VIT: variants seen among roughly 807,000 people sequenced by gnomAD.
VIT encodes the protein vitrin.
A neutral mutation model predicts 78.0 loss-of-function variants in VIT; 99 were observed. The ratio of observed to expected loss-of-function variants is 1.27; its 90% CI spans 1.08 to 1.50. The LOEUF (loss-of-function observed/expected upper bound fraction) is 1.50. Among genes scored for constraint, VIT ranks in the 40% most tolerant of loss-of-function variants. The pLI, the probability that VIT is intolerant of heterozygous loss-of-function variation, is 0.00. For missense variants in VIT, 1,126 were observed against 875.3 expected, an observed-to-expected ratio of 1.29 and a Z score of -3.61; for synonymous variants, 374 against 334.3, an observed-to-expected ratio of 1.12 and a Z score of -1.29.
Position 36,787,165 on chromosome 2 carries a change from G to A in VIT, c.947G>A (p.Ser316Asn), listed in dbSNP as rs756289698. Residue 316 changes from serine (S) to asparagine (N), a missense_variant, in exon 12 of 16, where the codon AGC (serine) becomes AAC (asparagine). Coordinates refer to ENST00000379242, the MANE Select transcript of VIT (RefSeq NM_053276.4). Reference sequence around the variant, plus strand: ...GACTTGTCGTTTTTAATTGATGGGAGCACCAGCATTGGCAAACGGCGATTC... The same window carrying A: ...GACTTGTCGTTTTTAATTGATGGGAACACCAGCATTGGCAAACGGCGATTC... ...KIDLSFLIDGSTSIGKRRFRI... is the reference protein window; with the variant it reads ...KIDLSFLIDGNTSIGKRRFRI... 6.2e-6 allele frequency: 10 copies of A among 1,614,084 alleles called. No individual in the cohort carries two copies. The highest frequency in any genetic ancestry group is 1.7e-5 in the Admixed American group (1 of 60,006).
intron 12 of VIT, among the ~76,000 whole-genome samples, chr2:36,800,352 A>T (rs889687144): frequency 2.6e-5 from 4 of 152,178 alleles, no homozygotes; most frequent in Non-Finnish European, 5.9e-5. Context: ...GTTAAAAAAG[A>T]AAGAAAGAAA....
intron 4 of VIT, among the ~76,000 whole-genome samples, chr2:36,746,754 T>C (rs1265461884): frequency 6.6e-6 from 1 of 152,110 alleles, no homozygotes; most frequent in Non-Finnish European, 1.5e-5. Context: ...AAACAAACTT[T>C]TGGTTTCATT....
At chr2:36,738,320 C>T (rs1667630932) in intron 3 of VIT, among the ~76,000 whole-genome samples, 1 of 152,138 alleles carries the variant, frequency 6.6e-6, no homozygotes, top group Non-Finnish European at 1.5e-5. Context: ...AGTTCTGCCA[C>T]TTGATATCTG....
chr2:36,773,607 T>G (rs1023616150), intron 7 of VIT, among the ~76,000 whole-genome samples, 184 bp from the exon 8 acceptor site: 6 of 152,184 alleles, frequency 3.9e-5, no homozygotes, highest in African/African-American at 1.4e-4. Context: ...GGTACGCACC[T>G]GTAATCCCAG....
Position 36,746,388 on chromosome 2 carries a change from C to T in VIT, c.275+3132C>T, listed in dbSNP as rs145274107. On this transcript the variant is annotated intron_variant, in intron 4 of 15. Transcript: ENST00000379242. The stretch of plus-strand genomic sequence containing the variant: ...ATAGTTTCAGTAGTATTGGTACCAG[C>T]TCTTGGTACTTCTGGTAGAATTTGG... Among the ~76,000 whole-genome samples, 367 of 152,120 alleles carry T rather than the reference C, an allele frequency of 2.4e-3. 6 individuals are homozygous for T. The highest frequency in any genetic ancestry group is 4.3e-3 in the East Asian group (22 of 5,170).
At chr2:36,761,431 C>A (rs1669111444) in intron 6 of VIT, among the ~76,000 whole-genome samples, 1 of 152,018 alleles carries the variant, frequency 6.6e-6, no homozygotes. Context: ...TCAGTGGCAT[C>A]TCTCCTGTTT....
At chr2:36,800,800 C>T (rs142209969) in intron 12 of VIT, among the ~76,000 whole-genome samples, 111 of 152,244 alleles carry the variant, frequency 7.3e-4, no homozygotes, top group African/African-American at 2.6e-3. Context: ...TAGTGTCACC[C>T]GGTTGCAGGA....
At chr2:36,724,588 C>T (rs1666722206) in intron 2 of VIT, among the ~76,000 whole-genome samples, 1 of 152,180 alleles carries the variant, frequency 6.6e-6, no homozygotes, top group South Asian at 2.1e-4. Context: ...TGCAGACCAG[C>T]TGTCCCCTGG....
At chr2:36,787,654 G>T in intron 12 of VIT, 1 of 331,134 alleles carries the variant, frequency 3.0e-6, no homozygotes. Flanking sequence ...ATGAAGGTTG[G>T]ATCTGCTTTC....
intron 3 of VIT, among the ~76,000 whole-genome samples, chr2:36,740,290 G>A (rs1667760251): frequency 6.6e-6 from 1 of 152,210 alleles, no homozygotes; most frequent in South Asian, 2.1e-4. Flanking sequence ...TGGAGCGGTG[G>A]AAGATTCTTT....
intron 9 of VIT, among the ~76,000 whole-genome samples, chr2:36,781,174 G>A (rs1248533418): frequency 6.6e-6 from 1 of 152,206 alleles, no homozygotes; most frequent in African/African-American, 2.4e-5. Flanking sequence ...TTTGTTCAGT[G>A]TAGTTCCAAG....
intron 1 of VIT, among the ~76,000 whole-genome samples, chr2:36,707,298 G>A (rs897778662): frequency 7.2e-5 from 11 of 151,988 alleles, no homozygotes; most frequent in South Asian, 2.1e-4. Flanking sequence ...TCCTCCCCTC[G>A]AGTTAGCATT....
At chr2:36,725,884 C>G (rs72783154) in intron 2 of VIT, among the ~76,000 whole-genome samples, 27,256 of 151,946 alleles carry the variant, frequency 0.18, 3,079 homozygotes, top group Non-Finnish European at 0.26. Context: ...CCAGCCTGGC[C>G]AACATGGTGA....
chr2:36,724,121 T>A (rs1294049171), intron 2 of VIT, among the ~76,000 whole-genome samples: 1 of 151,702 alleles, frequency 6.6e-6, no homozygotes, highest in Admixed American at 6.6e-5. Flanking sequence ...TGGTTTCAAG[T>A]GATTCTCCTA....
intron 1 of VIT, among the ~76,000 whole-genome samples, chr2:36,707,614 G>A (rs929153414): frequency 8.5e-5 from 13 of 152,144 alleles, no homozygotes; most frequent in Admixed American, 6.5e-5. Context: ...GGATGGACCC[G>A]CTTCCTCTCA....
rs1666136613 is a variant in VIT, at chr2:36,716,375, G to A, written c.5G>A (p.Arg2Lys). 1 of 1,613,692 alleles carries A rather than the reference G, an allele frequency of 6.2e-7. No individual in the cohort carries two copies. The highest frequency in any genetic ancestry group is 2.2e-5 in the East Asian group (1 of 44,870). The change falls in exon 2 of 16, where the codon AGG becomes AAG. Residue 2 changes from arginine to lysine, a missense_variant. Coordinates refer to ENST00000379242, the MANE Select transcript of VIT (RefSeq NM_053276.4). M[R>K]TVVLTMKASV... ...CAGGGTGTCATTCTGATATTTATGAGGACTGTTGTTCTCACTATGAAGGCA... is the reference window on the plus strand; with the variant it reads ...CAGGGTGTCATTCTGATATTTATGAAGACTGTTGTTCTCACTATGAAGGCA...
In VIT at chr2:36,814,553, C is replaced by T. The variant is rs373242813; in HGVS notation, c.*192C>T. ...TTGGAGTTACAAAGATGATCACAAA[C>T]GTATAGAATGAGCCAAAAGGCTACA... On this transcript the variant is annotated 3_prime_UTR_variant, in exon 16 of 16. Transcript: ENST00000379242. 4.1e-5 allele frequency: 28 copies of T among 678,866 alleles called. No individual in the cohort carries two copies. The highest frequency in any genetic ancestry group is 5.9e-5 in the Non-Finnish European group (25 of 426,514). The allele number at this position is 678,866 out of a possible 1,614,324, so 42.1% of individuals were successfully genotyped here. A position where few individuals can be genotyped will look rare whatever the true frequency, so the allele number is the denominator to read the frequency against.
In VIT at chr2:36,762,057, C is replaced by T. The variant is rs80329703; in HGVS notation, c.487+3011C>T. Among the ~76,000 whole-genome samples, 364 of 152,178 alleles carry T rather than the reference C, an allele frequency of 2.4e-3. 4 individuals carry two copies. Among genetic ancestry groups the T allele is most frequent in the African/African-American group, 8.6e-3 (358 of 41,496 alleles). ...GGGAAAAGAGTGTAGGGCAGAGAAA[C>T]TATAGCCAAATGATAACTCGGATAA... On this transcript the variant is annotated intron_variant, in intron 6 of 15. Transcript: ENST00000379242.
chr2:36,751,488 CAT>C (rs1444918717), intron 4 of VIT, among the ~76,000 whole-genome samples: 1 of 152,138 alleles, frequency 6.6e-6, no homozygotes, highest in Non-Finnish European at 1.5e-5. Flanking sequence ...GATATATTGA[CAT>C]AAGAACTGGG....
Sources: gnomAD v4.1 joint callset for allele counts (sites outside exome capture counted in the v4.1 genomes callset) on GRCh38, gnomAD v4.1.1 for gene constraint, MANE v1.5 for transcripts, NCBI Gene and HGNC (gene_info 2026-07-23, HGNC 2026-07-21) for gene names.